Variants in CSF2RA observed in about 807,000 individuals in gnomAD.
CSF2RA encodes colony stimulating factor 2 receptor subunit alpha.
Under a neutral mutation model 51.6 loss-of-function variants are expected in CSF2RA, and 42 were observed. That is an observed-to-expected ratio of 0.81 (90% CI 0.64 to 1.05). The LOEUF (loss-of-function observed/expected upper bound fraction) is 1.05. Among genes scored for constraint, CSF2RA ranks in the 50% least tolerant of loss-of-function variants. The pLI, the probability that CSF2RA is intolerant of heterozygous loss-of-function variation, is 0.00. For synonymous variants in CSF2RA, 222 were observed against 193.0 expected (o/e 1.15, Z -1.24); for missense variants, 530 against 501.1 (o/e 1.06, Z -0.55).
intron 8 of CSF2RA, among the ~76,000 whole-genome samples, chrX:1,294,973 T>TTGTCC (rs2091790110): frequency 8.9e-4 from 31 of 34,682 alleles, no homozygotes; most frequent in African/African-American, 1.7e-3. Flanking sequence ...AGAGACTGCC[T>TTGTCC]CACGTCCACC....
chrX:1,323,177 A>AAAT, the CSF2RA span, among the ~76,000 whole-genome samples: 2 of 151,316 alleles, frequency 1.3e-5, no homozygotes, highest in African/African-American at 2.4e-5. Context: ...AAATAAAATA[A>AAAT]AATAAAATAT....
rs767203956 is a variant in CSF2RA at position 1,288,823 on chromosome X, T to C, written c.408T>C (p.Cys136=). 61 of 1,613,854 alleles carry C rather than the reference T, an allele frequency of 3.8e-5. No individual in the cohort carries two copies. The highest frequency in any genetic ancestry group is 5.0e-5 in the Non-Finnish European group (59 of 1,179,886). ...TCTACAATGCGGATTTAATGAACTG[T>C]ACCTGGGCGAGGGGTCCGACGGCCC... The part of the protein sequence containing the change: ...CFIYNADLMN[C]TWARGPTAPR... Residue 136 remains cysteine, a synonymous_variant, in exon 6 of 13, where the codon TGT becomes TGC. Coordinates refer to ENST00000381529, the MANE Select transcript of CSF2RA (RefSeq NM_172245.4).
the CSF2RA span, among the ~76,000 whole-genome samples, chrX:1,316,943 T>C: frequency 9.9e-5 from 15 of 152,252 alleles, no homozygotes; most frequent in East Asian, 2.7e-3. Context: ...ACATGCATAT[T>C]TTCTTTCTTT....
chrX:1,298,990 A>G (rs1333657226), intron 9 of CSF2RA, among the ~76,000 whole-genome samples: 4 of 152,132 alleles, frequency 2.6e-5, no homozygotes, highest in African/African-American at 9.7e-5. Flanking sequence ...GTCTTGGTTT[A>G]TGGGACTCTT....
intron 2 of CSF2RA, 131 bp from the exon 3 acceptor site, chrX:1,282,547 C>T: frequency 1.3e-6 from 1 of 761,816 alleles, no homozygotes; most frequent in Non-Finnish European, 2.4e-6. Flanking sequence ...GGCCATGACC[C>T]CTCATTTGAC....
At chrX:1,299,042 C>T (rs1318027137) in intron 9 of CSF2RA, among the ~76,000 whole-genome samples, 4 of 152,174 alleles carry the variant, frequency 2.6e-5, no homozygotes, top group Non-Finnish European at 5.9e-5. Context: ...GGATCCTGAA[C>T]CAGAGGATGC....
At chrX:1,314,268 C>CATCTGCCCAACCACTCTGT (rs1569514710), downstream of CSF2RA, among the ~76,000 whole-genome samples, 123 of 47,596 alleles carry the variant, frequency 2.6e-3, 8 homozygotes, top group East Asian at 7.7e-3. Context: ...AACCCCACTG[C>CATCTGCCCAACCACTCTGT]GCCTGCCCAA....
chrX:1,314,342 T>A (rs1166312591), downstream of CSF2RA, among the ~76,000 whole-genome samples: 1 of 132,720 alleles, frequency 7.5e-6, no homozygotes, highest in East Asian at 2.3e-4. Context: ...CCAACCCCAC[T>A]GCGCCTGCCC....
chrX:1,300,181 T>C, intron 9 of CSF2RA: 1 of 284,560 alleles, frequency 3.5e-6, no homozygotes, highest in Non-Finnish European at 6.6e-6. Flanking sequence ...ATCGCGCCAC[T>C]GCACTGCAGC....
At chrX:1,280,910 T>TCTCCTCCTCCTCCTCCTG (rs1250477697) in intron 2 of CSF2RA, among the ~76,000 whole-genome samples, 4 of 33,262 alleles carry the variant, frequency 1.2e-4, no homozygotes, top group East Asian at 1.3e-3. Flanking sequence ...TCCTGCTCCT[T>TCTCCTCCTCCTCCTCCTG]CTCCTCCTCC....
intron 1 of CSF2RA, 75 bp downstream of exon 1, chrX:1,268,954 C>G (rs28655046): frequency 0.9 from 404,555 of 450,890 alleles, 182,108 homozygotes; most frequent in Admixed American, 0.94. Flanking sequence ...CTGTGTCTGT[C>G]GATAGAAAAG....
chrX:1,312,283 TC>T (rs1295633888), downstream of CSF2RA, among the ~76,000 whole-genome samples: 3 of 152,140 alleles, frequency 2.0e-5, no homozygotes, highest in Non-Finnish European at 4.4e-5. Flanking sequence ...ACGGGGACAC[TC>T]CAGAATCATC....
At chrX:1,315,017 C>G (rs1352885846), downstream of CSF2RA, among the ~76,000 whole-genome samples, 2 of 133,358 alleles carry the variant, frequency 1.5e-5, 1 homozygote, top group African/African-American at 5.4e-5. Flanking sequence ...TGCACCTGCC[C>G]AACCACACTG....
rs766551729 is a variant in CSF2RA at position 1,305,628 on chromosome X, A to C, written c.1125+101A>C. ...GTCGACCATCTTGCTTCTCCACCAG[A>C]TGGGACCGCAGCGTCACCACCGGTG... On this transcript the variant is annotated intron_variant, in intron 12 of 12. Coordinates refer to ENST00000381529, the MANE Select transcript of CSF2RA (RefSeq NM_172245.4). 3.2e-5 allele frequency: 51 copies of C among 1,613,210 alleles called. No individual in the cohort carries two copies. The African/African-American group carries it at 6.3e-4, about 20-fold the overall frequency.
chrX:1,294,334 T>C lies in CSF2RA; in HGVS notation c.653T>C (p.Phe218Ser), dbSNP rs778469420. 3 of 1,613,280 alleles carry C rather than the reference T, an allele frequency of 1.9e-6. No homozygotes were observed. Among genetic ancestry groups the C allele is most frequent in the Non-Finnish European group, 2.5e-6 (3 of 1,179,840 alleles). ...TCCTGCGCCCTCGTTACAGAACGAT[T>C]CAACCCTCCCAGCAATGTCACCGTA... ...SLLDTKKIER[F>S]NPPSNVTVRC... Residue 218 changes from phenylalanine (F) to serine (S), a missense_variant, in exon 8 of 13, where the codon TTC (phenylalanine) becomes TCC (serine). Coordinates refer to ENST00000381529, the MANE Select transcript of CSF2RA (RefSeq NM_172245.4).
chrX:1,319,488 A>G, the CSF2RA span, among the ~76,000 whole-genome samples: 1 of 147,858 alleles, frequency 6.8e-6, no homozygotes, highest in Non-Finnish European at 1.5e-5. Flanking sequence ...GGGTCTCACT[A>G]TGTTGCCCAG....
At chrX:1,288,453 G>A in intron 4 of CSF2RA, 66 bp from the exon 5 acceptor site, 7 of 1,611,338 alleles carry the variant, frequency 4.3e-6, no homozygotes, top group Non-Finnish European at 5.9e-6. Context: ...CTGCACTCCA[G>A]CCTGGGAGAC....
downstream of CSF2RA, among the ~76,000 whole-genome samples, chrX:1,313,273 A>G (rs28508238): frequency 0.062 from 9,473 of 151,982 alleles, 748 homozygotes; most frequent in African/African-American, 0.19. Flanking sequence ...AAATACAAAA[A>G]AAAAAATAAA....
In CSF2RA at chrX:1,290,507, T is replaced by C; in HGVS notation, c.644T>C (p.Ile215Thr). The change falls in exon 7 of 13, where the codon ATA becomes ACA. Residue 215 changes from isoleucine (I) to threonine (T), a missense_variant and splice_region_variant. Transcript: ENST00000381529. ...FFDSLLDTKK[I>T]ERFNPPSNVT... ...GATTCACTTTTGGACACAAAGAAAA[T>C]AGGTGAGAATAACACATATGATTTT... The C allele has an allele frequency of 6.2e-7, 1 of 1,613,306 alleles. No individual in the cohort carries two copies. Among genetic ancestry groups the C allele is most frequent in the Non-Finnish European group, 8.5e-7 (1 of 1,179,404 alleles).
Sources: gnomAD v4.1 joint callset for allele counts (sites outside exome capture counted in the v4.1 genomes callset) on GRCh38, gnomAD v4.1.1 for gene constraint, MANE v1.5 for transcripts, NCBI Gene and HGNC (gene_info 2026-07-23, HGNC 2026-07-21) for gene names.